PADI4: variants seen among roughly 807,000 people sequenced by gnomAD.
PADI4 encodes the protein protein-arginine deiminase type-4.
A neutral mutation model predicts 75.0 loss-of-function variants in PADI4; 62 were observed. The observed-to-expected ratio is 0.83, with a 90% CI of 0.67 to 1.02. The LOEUF is 1.02. PADI4 is among the 50% of genes least tolerant of loss of function. The pLI, the probability that PADI4 is intolerant of heterozygous loss-of-function variation, is 0.00. For missense variants in PADI4, 845 were observed against 850.5 expected, an observed-to-expected ratio of 0.99 and a Z score of 0.08; for synonymous variants, 361 against 348.1, an observed-to-expected ratio of 1.04 and a Z score of -0.41.
intron 1 of PADI4, among the ~76,000 whole-genome samples, chr1:17,326,137 C>A (rs1384730103): frequency 6.6e-5 from 10 of 151,510 alleles, no homozygotes; most frequent in South Asian, 2.1e-4. Context: ...AGTAATATTT[C>A]TTTTGCTTTC....
At chr1:17,343,652 G>A (rs1223307549) in intron 8 of PADI4, among the ~76,000 whole-genome samples, 1 of 152,180 alleles carries the variant, frequency 6.6e-6, no homozygotes, top group African/African-American at 2.4e-5. Flanking sequence ...TTGAATCATG[G>A]AGGTGGTTTG....
At position 17,350,814 on chromosome 1, in the gene PADI4, G is replaced by A. The variant is rs547837487; in HGVS notation, c.1155+2766G>A. 1.3e-4 allele frequency among the ~76,000 whole-genome samples: 17 copies of A among 129,880 alleles called. 5 individuals are homozygous for A. The South Asian group carries it at 4.7e-3, about 36-fold the overall frequency. The allele number at this position is 129,880 out of a possible 152,430, so 85.2% of individuals were successfully genotyped here. A position where few individuals can be genotyped will look rare whatever the true frequency, so the allele number is the denominator to read the frequency against. On this transcript the variant is annotated intron_variant, in intron 10 of 15. Transcript: ENST00000375448. ...GCCAAGGTCCCTGACCTCACGGAGG[G>A]GACGTTCTGGCCCAGAGAGACAGAC... is the stretch of plus-strand genomic sequence containing the variant.
intron 10 of PADI4, chr1:17,348,330 G>T: frequency 3.7e-6 from 1 of 270,250 alleles, no homozygotes; most frequent in East Asian, 7.7e-5. Context: ...ACCTCCCTGT[G>T]CTCTTGAAGA....
rs775117608 is a variant in PADI4 at position 17,359,406 on chromosome 1, A to G, written c.1756A>G (p.Met586Val). The G allele has an allele frequency of 1.9e-6, 3 of 1,612,970 alleles. No individual in the cohort carries two copies. The highest frequency in any genetic ancestry group is 2.7e-5 in the African/African-American group (2 of 74,854). ...FSKAEAFFPN[M>V]VNMLVLGKHL... ...TAAGGCGGAAGCTTTTTTCCCCAAC[A>G]TGGTGAGGAGGTGGCGGCTTTAAAA... The change falls in exon 15 of 16, where the codon ATG becomes GTG. Residue 586 changes from methionine to valine, a missense_variant and splice_region_variant. Physicochemically the swap from Met to Val is conservative, Grantham distance 21 (BLOSUM62 1). Transcript: ENST00000375448.
chr1:17,359,973 C>G (rs2074826025), intron 15 of PADI4, among the ~76,000 whole-genome samples: 1 of 152,126 alleles, frequency 6.6e-6, no homozygotes, highest in Admixed American at 6.5e-5. Flanking sequence ...TCACTAGTGA[C>G]AGCAAGACAG....
Position 17,342,378 on chromosome 1 carries a change from C to A in PADI4, c.911C>A (p.Pro304His). The part of the protein sequence containing the change: ...APWIMTPNTQ[P>H]PQEVYACSIF... ...TGGATCATGACCCCCAACACCCAGCCCCCGCAGGAGGTGTACGCGTGCAGG... is the reference window on the plus strand; with the variant it reads ...TGGATCATGACCCCCAACACCCAGCACCCGCAGGAGGTGTACGCGTGCAGG... The change falls in exon 8 of 16, where the codon CCC becomes CAC. Residue 304 changes from proline (P) to histidine (H), a missense_variant. By Grantham distance (77) the Pro-to-His change is moderately conservative (BLOSUM62 -2). Coordinates refer to ENST00000375448, the MANE Select transcript of PADI4 (RefSeq NM_012387.3). 1 of 1,613,252 alleles carries A rather than the reference C, an allele frequency of 6.2e-7. No individual in the cohort carries two copies. The highest frequency in any genetic ancestry group is 8.5e-7 in the Non-Finnish European group (1 of 1,179,204).
intron 4 of PADI4, 129 bp from the exon 5 acceptor site, chr1:17,337,909 G>C (rs763921993): frequency 2.7e-6 from 1 of 367,192 alleles, no homozygotes; most frequent in African/African-American, 2.1e-5. Flanking sequence ...GGGAGACTCC[G>C]TCTCAAAAAA....
At chr1:17,333,301 A>C (rs532704499) in intron 2 of PADI4, among the ~76,000 whole-genome samples, 1 of 152,070 alleles carries the variant, frequency 6.6e-6, no homozygotes, top group East Asian at 1.9e-4. Flanking sequence ...GTGGCCCCTC[A>C]GGAGCTCCTC....
chr1:17,330,971 C>T lies in PADI4; in HGVS notation c.95C>T (p.Ser32Phe). Residue 32 changes from serine (S) to phenylalanine (F), a missense_variant and splice_region_variant, in exon 2 of 16, where the codon TCT (serine) becomes TTT (phenylalanine). Ser to Phe is a radical substitution (Grantham distance 155). Transcript: ENST00000375448. ...TTTCCCATGTGTCTTGTCCACAGCT[C>T]TGCCCCTGAGGACTGCACGTCCTTC... ...GTLTQLDICSSAPEDCTSFSI... is the reference protein window; with the variant it reads ...GTLTQLDICSFAPEDCTSFSI... The T allele has an allele frequency of 6.4e-7, 1 of 1,561,730 alleles. No individual in the cohort carries two copies.
intron 1 of PADI4, among the ~76,000 whole-genome samples, chr1:17,324,782 C>A (rs977621867): frequency 3.3e-5 from 5 of 152,214 alleles, no homozygotes; most frequent in African/African-American, 1.2e-4. Context: ...TTATCTCCCT[C>A]CAGCTGATTT....
chr1:17,322,077 C>T lies in PADI4; in HGVS notation c.93-8892C>T, dbSNP rs141441756. Reference sequence around the variant, plus strand: ...TTTACATGAGATTACATAAATATAGCGGAGAGGAAGCAATTACATATGCAT... The same window carrying T: ...TTTACATGAGATTACATAAATATAGTGGAGAGGAAGCAATTACATATGCAT... On this transcript the variant is annotated intron_variant, in intron 1 of 15. Transcript: ENST00000375448. 7.6e-3 allele frequency among the ~76,000 whole-genome samples: 1,154 copies of T among 152,246 alleles called. 9 individuals carry two copies. Among genetic ancestry groups the T allele is most frequent in the South Asian group, 0.017 (81 of 4,814 alleles).
chr1:17,363,651 A>G lies in PADI4; in HGVS notation c.1888A>G (p.Ile630Val). The G allele has an allele frequency of 3.1e-6, 5 of 1,614,188 alleles. No individual in the cohort carries two copies. Among genetic ancestry groups the G allele is most frequent in the Non-Finnish European group, 4.2e-6 (5 of 1,179,996 alleles). The change falls in exon 16 of 16, where the codon ATC (isoleucine) becomes GTC (valine). Residue 630 changes from isoleucine (I) to valine (V), a missense_variant. Ile to Val is a conservative substitution (Grantham distance 29, BLOSUM62 3). Transcript: ENST00000375448. ...GCCACTGGGCCTCCAGTGCACCTTC[A>G]TCAACGACTTCTTCACCTACCACAT... ...LEPLGLQCTF[I>V]NDFFTYHIRH...
intron 8 of PADI4, among the ~76,000 whole-genome samples, chr1:17,345,471 A>G (rs1177569072): frequency 4.6e-5 from 7 of 152,128 alleles, no homozygotes; most frequent in Admixed American, 4.6e-4. Context: ...GGGCAGGATG[A>G]TATGCTTTGG....
chr1:17,363,700 G>A lies in PADI4; in HGVS notation c.1937G>A (p.Gly646Asp), dbSNP rs371018366. The A allele has an allele frequency of 6.5e-5, 105 of 1,614,068 alleles. No homozygotes were observed. Among genetic ancestry groups the A allele is most frequent in the Non-Finnish European group, 8.4e-5 (99 of 1,179,994 alleles). The change falls in exon 16 of 16, where the codon GGC becomes GAC. Residue 646 changes from glycine to aspartate, a missense_variant. Physicochemically the swap from Gly to Asp is moderately conservative, Grantham distance 94. Coordinates refer to ENST00000375448, the MANE Select transcript of PADI4 (RefSeq NM_012387.3). ...YHIRHGEVHCGTNVRRKPFSF... is the reference protein window; with the variant it reads ...YHIRHGEVHCDTNVRRKPFSF... ...ATCAGGCATGGGGAGGTGCACTGCG[G>A]CACCAACGTGCGCAGAAAGCCCTTC...
chr1:17,342,886 A>G (rs929352918), intron 8 of PADI4, among the ~76,000 whole-genome samples: 4 of 152,184 alleles, frequency 2.6e-5, no homozygotes, highest in African/African-American at 9.6e-5. Flanking sequence ...GAGGCACGAG[A>G]ATTGCTTGAA....
chr1:17,337,566 C>A (rs2074336827), intron 4 of PADI4, among the ~76,000 whole-genome samples: 1 of 152,056 alleles, frequency 6.6e-6, no homozygotes, highest in Non-Finnish European at 1.5e-5. Context: ...AAAATCCACT[C>A]CTGAGATCAA....
Position 17,356,179 on chromosome 1 carries a change from C to A in PADI4, c.1455+52C>A. The stretch of plus-strand genomic sequence containing the variant: ...AGCCATGCCTCCTTCCTGGGTAGAC[C>A]CTCTGCCTGGGGTGGGAGCAACTTT... On this transcript the variant is annotated intron_variant, in intron 12 of 15. Coordinates refer to ENST00000375448, the MANE Select transcript of PADI4 (RefSeq NM_012387.3). This position sits in a 1 kb window ranked among gnomAD's most constrained non-coding sequence, Gnocchi z 4.1. The A allele has an allele frequency of 6.3e-7, 1 of 1,583,718 alleles. No homozygotes were observed.
At chr1:17,361,346 C>T (rs139997161) in intron 15 of PADI4, among the ~76,000 whole-genome samples, 1 of 152,348 alleles carries the variant, frequency 6.6e-6, no homozygotes, top group East Asian at 1.9e-4. Context: ...TGAAAGTGGA[C>T]GCCCGCGGCT....
intron 2 of PADI4, among the ~76,000 whole-genome samples, chr1:17,333,243 G>A (rs115499212): frequency 0.023 from 3,561 of 152,114 alleles, 143 homozygotes; most frequent in African/African-American, 0.082. Context: ...TGGCCGTGGC[G>A]TTTTCCTGGA....
Sources: allele counts gnomAD v4.1 joint callset (sites outside exome capture counted in the v4.1 genomes callset), GRCh38; gene constraint gnomAD v4.1.1; non-coding constraint Gnocchi (gnomAD v3.1); transcripts MANE v1.5; gene names NCBI Gene and HGNC (gene_info 2026-07-23, HGNC 2026-07-21).